SIGLECL1: variants seen among roughly 807,000 people sequenced by gnomAD.
SIGLECL1 encodes the protein SIGLEC family-like protein 1.
Under a neutral mutation model 19.1 loss-of-function variants are expected in SIGLECL1, and 16 were observed. The ratio of observed to expected loss-of-function variants is 0.84; its 90% CI spans 0.57 to 1.27. The LOEUF (loss-of-function observed/expected upper bound fraction) is 1.27, where lower values mean the gene tolerates loss of function less well. Among genes scored for constraint, SIGLECL1 ranks in the 50% most tolerant of loss-of-function variants. SIGLECL1 has a pLI of 0.00. For synonymous variants in SIGLECL1, 89 were observed against 90.4 expected (o/e 0.98, Z 0.09); for missense variants, 210 against 239.4 (o/e 0.88, Z 0.81).
At position 51,265,655 on chromosome 19, in the gene SIGLECL1, G is replaced by C. The variant is rs759699154; in HGVS notation, c.304+6G>C. ...GAGCATCCTACTGATGTCAAGTGAG[G>C]GTGGAGGGGGCTCGGTGACTGGGTG... On this transcript the variant is annotated splice_donor_region_variant and intron_variant, in intron 3 of 5. Coordinates refer to ENST00000601727, the MANE Select transcript of SIGLECL1 (RefSeq NM_001385465.1). 1 of 1,612,104 alleles carries C rather than the reference G, an allele frequency of 6.2e-7. No homozygotes were observed. The highest frequency in any genetic ancestry group is 1.7e-5 in the Admixed American group (1 of 59,980).
At chr19:51,263,033 G>A (rs1401199669) in intron 1 of SIGLECL1, among the ~76,000 whole-genome samples, 1 of 152,040 alleles carries the variant, frequency 6.6e-6, no homozygotes, top group Non-Finnish European at 1.5e-5. Context: ...CAAGTAGCTG[G>A]GACTACAGGT....
intron 3 of SIGLECL1, 38 bp from the exon 4 acceptor site, chr19:51,265,739 C>T (rs1212643913): frequency 1.9e-6 from 3 of 1,613,524 alleles, no homozygotes; most frequent in African/African-American, 1.3e-5. Context: ...AGAGTTTTGG[C>T]TCCGATGCCA....
upstream of SIGLECL1, among the ~76,000 whole-genome samples, chr19:51,249,384 T>C (rs928033540): frequency 6.6e-6 from 1 of 151,962 alleles, no homozygotes; most frequent in African/African-American, 2.4e-5. Context: ...GGGAAGTCTA[T>C]CTGGGGCCTG....
intron 4 of SIGLECL1, 35 bp from the exon 5 acceptor site, chr19:51,267,338 G>C (rs1405031025): frequency 6.3e-7 from 1 of 1,598,130 alleles, no homozygotes; most frequent in Admixed American, 1.7e-5. Flanking sequence ...CAGGGAGATG[G>C]AGAGCCAGAA....
intron 1 of SIGLECL1, among the ~76,000 whole-genome samples, chr19:51,256,702 T>C (rs1304838080): frequency 6.6e-6 from 1 of 152,232 alleles, no homozygotes; most frequent in Non-Finnish European, 1.5e-5. Context: ...GAAGTGCTGA[T>C]TATGTTAATT....
chr19:51,249,379 G>T (rs530089904), upstream of SIGLECL1, among the ~76,000 whole-genome samples: 53 of 152,204 alleles, frequency 3.5e-4, no homozygotes, highest in African/African-American at 1.2e-3. Context: ...CTCTCGGGAA[G>T]TCTATCTGGG....
chr19:51,264,781 C>T (rs752020916), intron 2 of SIGLECL1, among the ~76,000 whole-genome samples: 36 of 152,150 alleles, frequency 2.4e-4, no homozygotes, highest in Non-Finnish European at 4.9e-4. Context: ...AGTGAATGTT[C>T]CACCAAAGAC....
upstream of SIGLECL1, among the ~76,000 whole-genome samples, chr19:51,250,201 C>T (rs1230595196): frequency 6.6e-6 from 1 of 152,068 alleles, no homozygotes; most frequent in African/African-American, 2.4e-5. Context: ...ATTCTCCTGC[C>T]TCAACCTCCC....
chr19:51,263,906 A>C lies in SIGLECL1; in HGVS notation c.-167A>C. On this transcript the variant is annotated 5_prime_UTR_variant, in exon 2 of 6. Coordinates refer to ENST00000601727, the MANE Select transcript of SIGLECL1 (RefSeq NM_001385465.1). ...AGGTGAACAGGCCTTCACGATGACC[A>C]GAGACAGAAGCCCCTGACTTGGCTA... The C allele has an allele frequency of 1.3e-6, 1 of 744,438 alleles. No homozygotes were observed. Among genetic ancestry groups the C allele is most frequent in the Non-Finnish European group, 2.2e-6 (1 of 461,472 alleles). 46.1% of individuals were successfully genotyped at this position (744,438 alleles called of 1,614,324 possible).
chr19:51,253,388 A>G (rs200303719), intron 1 of SIGLECL1, among the ~76,000 whole-genome samples: 1 of 151,840 alleles, frequency 6.6e-6, no homozygotes, highest in Non-Finnish European at 1.5e-5. Flanking sequence ...ATTTAAAAAA[A>G]AGAGAGAGAG....
In SIGLECL1 at chr19:51,268,845, C is replaced by A; in HGVS notation, c.*248C>A. ...ACACACTTTGTAATTTGTTGTTTGG[C>A]TAAATGAGAAGAAATCTGTGCCACC... On this transcript the variant is annotated 3_prime_UTR_variant, in exon 6 of 6. Transcript: ENST00000601727. 2.2e-6 allele frequency: 1 copy of A among 445,094 alleles called. No individual in the cohort carries two copies. Among genetic ancestry groups the A allele is most frequent in the Non-Finnish European group, 4.0e-6 (1 of 252,392 alleles). The allele number at this position is 445,094 out of a possible 1,614,324, so 27.6% of individuals were successfully genotyped here. A position where few individuals can be genotyped will look rare whatever the true frequency, so the allele number is the denominator to read the frequency against.
chr19:51,266,629 G>A (rs1296827316), intron 4 of SIGLECL1, among the ~76,000 whole-genome samples: 1 of 152,150 alleles, frequency 6.6e-6, no homozygotes, highest in Non-Finnish European at 1.5e-5. Context: ...CATTTCCAGT[G>A]TCTTTGTATA....
chr19:51,268,528 C>A lies in SIGLECL1; in HGVS notation c.568-43C>A, dbSNP rs574895852. 9.9e-6 allele frequency: 16 copies of A among 1,611,282 alleles called. No individual in the cohort carries two copies. The African/African-American group carries it at 2.1e-4, about 22-fold the overall frequency. On this transcript the variant is annotated intron_variant, in intron 5 of 5. Coordinates refer to ENST00000601727, the MANE Select transcript of SIGLECL1 (RefSeq NM_001385465.1). ...GGATACCTCACCTCTAGACCTGTTCCAACATTCTTTTTTCTTTGTTCTATT... is the reference window on the plus strand; with the variant it reads ...GGATACCTCACCTCTAGACCTGTTCAAACATTCTTTTTTCTTTGTTCTATT...
Position 51,265,892 on chromosome 19 carries a change from A to G in SIGLECL1, c.410+10A>G, listed in dbSNP as rs1382983165. The G allele has an allele frequency of 1.9e-6, 3 of 1,613,528 alleles. No homozygotes were observed. The highest frequency in any genetic ancestry group is 1.6e-4 in the Middle Eastern group (1 of 6,084). On this transcript the variant is annotated intron_variant, in intron 4 of 5. Coordinates refer to ENST00000601727, the MANE Select transcript of SIGLECL1 (RefSeq NM_001385465.1). ...GCCTCCTCCCTCTCATGTGAGTACT[A>G]GGGTTAATATTCACCCGCAAGCCTA...
chr19:51,259,241 T>C (rs1379900843), intron 1 of SIGLECL1, among the ~76,000 whole-genome samples: 4 of 152,108 alleles, frequency 2.6e-5, no homozygotes, highest in African/African-American at 9.7e-5. Context: ...TGGATGAAAA[T>C]TGGAATGTTT....
upstream of SIGLECL1, among the ~76,000 whole-genome samples, chr19:51,248,956 C>T (rs1982350677): frequency 6.6e-6 from 1 of 152,132 alleles, no homozygotes; most frequent in South Asian, 2.1e-4. Context: ...GCCATCTCAG[C>T]CTAATGGCTT....
At chr19:51,260,217 A>G (rs1983112568) in intron 1 of SIGLECL1, among the ~76,000 whole-genome samples, 1 of 152,236 alleles carries the variant, frequency 6.6e-6, no homozygotes, top group Non-Finnish European at 1.5e-5. Flanking sequence ...TCCTCCCAAA[A>G]AGGCAATTAA....
chr19:51,263,544 G>A (rs1299971913), intron 1 of SIGLECL1, among the ~76,000 whole-genome samples: 1 of 152,084 alleles, frequency 6.6e-6, no homozygotes, highest in African/African-American at 2.4e-5. Context: ...GGCCAAGGCG[G>A]GTCAGGTGTT....
intron 1 of SIGLECL1, among the ~76,000 whole-genome samples, chr19:51,260,137 A>G (rs1219516709): frequency 1.3e-5 from 2 of 152,250 alleles, no homozygotes; most frequent in Non-Finnish European, 2.9e-5. Flanking sequence ...GGAATTCACT[A>G]TAGCCAGTAT....
Sources: gnomAD v4.1 joint callset for allele counts (sites outside exome capture counted in the v4.1 genomes callset) on GRCh38, gnomAD v4.1.1 for gene constraint, MANE v1.5 for transcripts, NCBI Gene and HGNC (gene_info 2026-07-23, HGNC 2026-07-21) for gene names.